Variants in MSH3 observed in about 807,000 individuals in gnomAD.
The protein encoded by MSH3 is DNA mismatch repair protein Msh3.
In MSH3, 106 loss-of-function variants were observed where a neutral mutation model predicts 123.3. The observed-to-expected ratio is 0.86, with a 90% CI of 0.73 to 1.01. The LOEUF is 1.01. MSH3 is among the 50% of genes least tolerant of loss of function. MSH3 has a pLI of 0.00. For synonymous variants in MSH3, 515 were observed against 481.4 expected, an observed-to-expected ratio of 1.07 and a Z score of -0.91; for missense variants, 1,459 against 1,347.6, an observed-to-expected ratio of 1.08 and a Z score of -1.29.
intron 8 of MSH3, among the ~76,000 whole-genome samples, chr5:80,709,088 T>C (rs1750786470): frequency 6.6e-6 from 1 of 152,112 alleles, no homozygotes; most frequent in African/African-American, 2.4e-5. Flanking sequence ...TTTTTCTTTT[T>C]TTTCAGAAGT....
intron 8 of MSH3, among the ~76,000 whole-genome samples, chr5:80,710,191 G>T (rs750071374): frequency 7.2e-5 from 11 of 152,108 alleles, no homozygotes; most frequent in Non-Finnish European, 1.5e-4. Context: ...TTTTATTACG[G>T]GTTTTATAGA....
At chr5:80,794,123 G>A (rs1341451956) in intron 19 of MSH3, among the ~76,000 whole-genome samples, 2 of 152,178 alleles carry the variant, frequency 1.3e-5, no homozygotes, top group African/African-American at 2.4e-5. Flanking sequence ...TGGTCCTTAA[G>A]AAGACAATTC....
intron 8 of MSH3, among the ~76,000 whole-genome samples, chr5:80,701,384 A>T (rs1750606731): frequency 6.6e-6 from 1 of 152,174 alleles, no homozygotes; most frequent in South Asian, 2.1e-4. Context: ...CCTCTCTTGA[A>T]GTTACAGGAT....
chr5:80,769,045 A>T (rs751159129), intron 15 of MSH3, 42 bp downstream of exon 15: 2 of 1,534,470 alleles, frequency 1.3e-6, no homozygotes, highest in African/African-American at 2.7e-5. Context: ...GTTTTACTCT[A>T]GTAGAAAAGC....
In MSH3 at chr5:80,744,579, T is replaced by TA. The variant is rs2112868948; in HGVS notation, c.1730dup (p.Lys578GlufsTer9). On this transcript the variant is annotated frameshift_variant, in exon 12 of 24. Coordinates refer to ENST00000265081, the MANE Select transcript of MSH3 (RefSeq NM_002439.5). LOFTEE classifies it high-confidence loss of function. ...AAAACTTCATTTGGGAGACGGAAGT[T>TA]AAAGAAGTGGGTGACCCAGCCACTC... The TA allele has an allele frequency of 6.2e-7, 1 of 1,613,740 alleles. No individual in the cohort carries two copies. Among genetic ancestry groups the TA allele is most frequent in the Non-Finnish European group, 8.5e-7 (1 of 1,179,844 alleles).
At chr5:80,856,468 G>A (rs545027083) in intron 21 of MSH3, among the ~76,000 whole-genome samples, 42 of 146,348 alleles carry the variant, frequency 2.9e-4, no homozygotes, top group South Asian at 2.0e-3. Context: ...ACCAAACACC[G>A]CATGTTCTCA....
intron 8 of MSH3, among the ~76,000 whole-genome samples, 172 bp downstream of exon 8, chr5:80,679,265 CA>C (rs1345352941): frequency 6.6e-6 from 1 of 151,912 alleles, no homozygotes; most frequent in Non-Finnish European, 1.5e-5. Flanking sequence ...GGCATGGTGG[CA>C]CATGCATGTA....
In MSH3 at chr5:80,654,742, G is replaced by A. The variant is rs563338833; in HGVS notation, c.15G>A (p.Lys5=). The A allele has an allele frequency of 3.1e-6, 5 of 1,601,970 alleles. No homozygotes were observed. The South Asian group carries it at 4.4e-5, about 14-fold the overall frequency. Residue 5 remains lysine, a synonymous_variant, in exon 1 of 24, where the codon AAG becomes AAA. Transcript: ENST00000265081. MSRR[K]PASGGLAASS... is the part of the protein sequence containing the mutation. ...CTTGCCCTGCCATGTCTCGCCGGAAGCCTGCGTCGGGCGGCCTCGCTGCCT... is the reference window on the plus strand; with the variant it reads ...CTTGCCCTGCCATGTCTCGCCGGAAACCTGCGTCGGGCGGCCTCGCTGCCT...
At chr5:80,854,610 A>C (rs774618861) in intron 21 of MSH3, among the ~76,000 whole-genome samples, 29 of 152,312 alleles carry the variant, frequency 1.9e-4, no homozygotes, top group Non-Finnish European at 3.7e-4. Context: ...TGGATGATAC[A>C]TATTATACAC....
Position 80,719,689 on chromosome 5 carries a change from T to C in MSH3, c.1341-5764T>C, listed in dbSNP as rs185391182. On this transcript the variant is annotated intron_variant, in intron 8 of 23. Coordinates refer to ENST00000265081, the MANE Select transcript of MSH3 (RefSeq NM_002439.5). ...CCATTTATTTCACAGTTGTAATATATCTGCATCATCAGAGCATATAGCCAT... is the reference window on the plus strand; with the variant it reads ...CCATTTATTTCACAGTTGTAATATACCTGCATCATCAGAGCATATAGCCAT... Among the ~76,000 whole-genome samples the C allele has an allele frequency of 2.0e-4, 31 of 152,370 alleles. No homozygotes were observed. In the East Asian group the frequency reaches 5.6e-3, roughly 27 times the overall value.
At position 80,754,284 on chromosome 5, in the gene MSH3, T is replaced by TA. The variant is rs1554071677; in HGVS notation, c.1764-7262_1764-7261insA. On this transcript the variant is annotated intron_variant, in intron 12 of 23. Transcript: ENST00000265081. ...TTGTTTAAAAAAGCAAATATGAATT[T>TA]TATATATATATATATGAAATCTCTT... Among the ~76,000 whole-genome samples, 588 of 151,306 alleles carry TA rather than the reference T, an allele frequency of 3.9e-3. 3 individuals are homozygous for TA. Among genetic ancestry groups the TA allele is most frequent in the Middle Eastern group, 6.8e-3 (2 of 294 alleles).
chr5:80,707,145 G>A (rs1381717939), intron 8 of MSH3, among the ~76,000 whole-genome samples: 1 of 152,184 alleles, frequency 6.6e-6, no homozygotes, highest in Admixed American at 6.5e-5. Context: ...ATACTTTTTT[G>A]TGTCCAGCTC....
chr5:80,725,840 A>G (rs527719177), intron 9 of MSH3, among the ~76,000 whole-genome samples: 1 of 152,194 alleles, frequency 6.6e-6, no homozygotes, highest in Non-Finnish European at 1.5e-5. Context: ...ACAAAGCGAG[A>G]TCCTGTCTGT....
chr5:80,709,518 A>G (rs1026428871), intron 8 of MSH3, among the ~76,000 whole-genome samples: 4 of 151,994 alleles, frequency 2.6e-5, no homozygotes, highest in African/African-American at 9.7e-5. Context: ...GCTACTCCGG[A>G]GGCTGAGGCA....
At chr5:80,820,392 A>G (rs990267229) in intron 20 of MSH3, among the ~76,000 whole-genome samples, 4 of 152,198 alleles carry the variant, frequency 2.6e-5, no homozygotes, top group Non-Finnish European at 5.9e-5. Flanking sequence ...CACACAGACT[A>G]GGTTTTATTG....
intron 19 of MSH3, among the ~76,000 whole-genome samples, chr5:80,810,853 A>G (rs1561485866): frequency 2.0e-5 from 3 of 152,114 alleles, no homozygotes; most frequent in Admixed American, 6.5e-5. Flanking sequence ...TTTTGATACT[A>G]TGGTAAATTG....
chr5:80,863,525 G>T (rs543633858), intron 21 of MSH3, among the ~76,000 whole-genome samples: 97 of 152,150 alleles, frequency 6.4e-4, no homozygotes, highest in Non-Finnish European at 1.2e-3. Flanking sequence ...GAAAAAATTA[G>T]CCAGGCGTGG....
chr5:80,778,966 C>A, intron 17 of MSH3, 130 bp downstream of exon 17: 1 of 523,588 alleles, frequency 1.9e-6, no homozygotes, highest in Non-Finnish European at 3.4e-6. Context: ...TACATGTGTT[C>A]TCTGATTTTA....
At chr5:80,846,441 T>G (rs1745722806) in intron 20 of MSH3, among the ~76,000 whole-genome samples, 1 of 152,108 alleles carries the variant, frequency 6.6e-6, no homozygotes. Context: ...TCTTCATAGT[T>G]GTCAGACAGG....
Sources: gnomAD v4.1 joint callset for allele counts (sites outside exome capture counted in the v4.1 genomes callset) on GRCh38, gnomAD v4.1.1 for gene constraint, MANE v1.5 for transcripts, NCBI Gene and HGNC (gene_info 2026-07-23, HGNC 2026-07-21) for gene names.